Variants in COL21A1 observed in about 807,000 individuals in gnomAD.
COL21A1 encodes the protein collagen alpha-1(XXI) chain.
A neutral mutation model predicts 137.9 loss-of-function variants in COL21A1; 149 were observed. The ratio of observed to expected loss-of-function variants is 1.08; its 90% confidence interval spans 0.95 to 1.24. The LOEUF (loss-of-function observed/expected upper bound fraction) is 1.24. COL21A1 is among the 50% of genes most tolerant of loss of function. COL21A1 has a pLI of 0.00. For synonymous variants in COL21A1, 456 were observed against 391.5 expected (o/e 1.16, Z -1.95); for missense variants, 1,167 against 1,158.4 (o/e 1.01, Z -0.11).
At chr6:56,328,220 G>T (rs1279848101) in intron 1 of COL21A1, among the ~76,000 whole-genome samples, 1 of 151,930 alleles carries the variant, frequency 6.6e-6, no homozygotes, top group African/African-American at 2.4e-5. Flanking sequence ...TACTTTTAAG[G>T]TCAACTATTT....
intron 2 of COL21A1, among the ~76,000 whole-genome samples, chr6:56,180,673 A>T (rs967535708): frequency 1.3e-5 from 2 of 152,220 alleles, no homozygotes; most frequent in African/African-American, 4.8e-5. Flanking sequence ...ACAAGTTATA[A>T]GCAGTTGTGG....
chr6:56,300,015 G>A (rs1458495628), intron 1 of COL21A1, among the ~76,000 whole-genome samples: 1 of 151,952 alleles, frequency 6.6e-6, no homozygotes, highest in East Asian at 1.9e-4. Flanking sequence ...AATTAAACAA[G>A]GCTAGCCAGC....
intron 1 of COL21A1, among the ~76,000 whole-genome samples, chr6:56,307,110 G>A (rs566564091): frequency 1.2e-4 from 18 of 152,308 alleles, no homozygotes; most frequent in East Asian, 9.7e-4. Flanking sequence ...GTACCCGGCC[G>A]TGTGAGGTGT....
At chr6:56,203,564 A>G (rs1779546262) in intron 1 of COL21A1, among the ~76,000 whole-genome samples, 1 of 152,230 alleles carries the variant, frequency 6.6e-6, no homozygotes, top group Non-Finnish European at 1.5e-5. Flanking sequence ...GTCATTCTGA[A>G]AACAAGAAAA....
chr6:56,074,639 T>A (rs1293803114), intron 19 of COL21A1, among the ~76,000 whole-genome samples: 2 of 151,400 alleles, frequency 1.3e-5, no homozygotes, highest in Admixed American at 6.6e-5. Flanking sequence ...TCTTCATAGA[T>A]GTTATCCTGA....
intron 5 of COL21A1, among the ~76,000 whole-genome samples, chr6:56,170,445 T>C (rs59186267): frequency 0.067 from 10,133 of 151,938 alleles, 394 homozygotes; most frequent in Admixed American, 0.11. Context: ...ATATGTCAGT[T>C]CCCCCTCAGC....
chr6:56,106,489 C>T (rs1384634323), intron 16 of COL21A1, among the ~76,000 whole-genome samples: 9 of 152,124 alleles, frequency 5.9e-5, no homozygotes, highest in Non-Finnish European at 1.3e-4. Flanking sequence ...CAGCAGAAAA[C>T]ACACCAAGTC....
chr6:56,167,989 C>T (rs1325304728), intron 6 of COL21A1, 135 bp downstream of exon 6: 1 of 538,038 alleles, frequency 1.9e-6, no homozygotes, highest in Non-Finnish European at 3.1e-6. Context: ...CACTAATGAA[C>T]TGACCACATT....
At chr6:56,167,013 T>G in intron 6 of COL21A1, 30 bp from the exon 7 acceptor site, 1 of 1,534,062 alleles carries the variant, frequency 6.5e-7, no homozygotes, top group Non-Finnish European at 9.0e-7. Context: ...AGAATTAAAG[T>G]TGAGGCACAA....
intron 1 of COL21A1, among the ~76,000 whole-genome samples, chr6:56,255,059 T>C (rs948953477): frequency 1.3e-5 from 2 of 152,174 alleles, no homozygotes; most frequent in Non-Finnish European, 2.9e-5. Context: ...ACAGGTCACT[T>C]CAATTAAATT....
rs75760629 is a variant in COL21A1, at chr6:56,160,528, C to T, written c.1372-3579G>A. Among the ~76,000 whole-genome samples, 1,313 of 152,188 alleles carry T rather than the reference C, an allele frequency of 8.6e-3. 24 individuals are homozygous for T. Among genetic ancestry groups the T allele is most frequent in the African/African-American group, 0.03 (1,266 of 41,526 alleles). ...AATTTAATATGGAAAAAAAAATTCC[C>T]CAATACATTAAATTAGACACATGAC... On this transcript the variant is annotated intron_variant, in intron 9 of 29. Transcript: ENST00000244728.
intron 20 of COL21A1, among the ~76,000 whole-genome samples, chr6:56,071,492 A>G (rs1766752336): frequency 6.6e-6 from 1 of 151,614 alleles, no homozygotes; most frequent in African/African-American, 2.4e-5. Flanking sequence ...GCAAAAGCCC[A>G]TAATTAAGCA....
chr6:56,106,584 G>A lies in COL21A1; in HGVS notation c.1759-5059C>T, dbSNP rs561349835. ...AATCTACAACTAAGAAGACCAGCAA[G>A]CTATCCAAACATGTACAACCCTGTT... is the stretch of plus-strand genomic sequence containing the variant. On this transcript the variant is annotated intron_variant, in intron 16 of 29. Transcript: ENST00000244728. Among the ~76,000 whole-genome samples the A allele has an allele frequency of 2.3e-4, 35 of 152,202 alleles. 1 individual carries two copies. In the South Asian group the frequency reaches 7.2e-3, roughly 31 times the overall value.
intron 1 of COL21A1, among the ~76,000 whole-genome samples, chr6:56,246,286 T>C (rs1782639593): frequency 6.6e-6 from 1 of 152,124 alleles, no homozygotes; most frequent in African/African-American, 2.4e-5. Context: ...TCATCAGGGG[T>C]CAAAGATTCC....
chr6:56,061,187 C>A (rs1171178988), intron 25 of COL21A1, 150 bp from the exon 26 acceptor site: 1 of 679,864 alleles, frequency 1.5e-6, no homozygotes. Flanking sequence ...TGTCATTGAC[C>A]AGAAGGGAAA....
intron 3 of COL21A1, among the ~76,000 whole-genome samples, chr6:56,173,121 A>G (rs1482071250): frequency 2.0e-5 from 3 of 152,162 alleles, no homozygotes; most frequent in South Asian, 2.1e-4. Context: ...GTTTAGAGCT[A>G]CAGATCCAGC....
rs145684289 is a variant in COL21A1 at position 56,197,676 on chromosome 6, G to A, written c.-38-15020C>T. The stretch of plus-strand genomic sequence containing the variant: ...AGCACCACTTCACACCTGTTAGCAC[G>A]GCTATTATCAAAAAGTCAAAAGATA... On this transcript the variant is annotated intron_variant, in intron 1 of 29. Transcript: ENST00000244728. Among the ~76,000 whole-genome samples, 12 of 152,084 alleles carry A rather than the reference G, an allele frequency of 7.9e-5. No individual in the cohort carries two copies. In the East Asian group the frequency reaches 1.7e-3, roughly 22 times the overall value.
chr6:56,209,443 A>C (rs2152304610), intron 1 of COL21A1, among the ~76,000 whole-genome samples: 1 of 152,336 alleles, frequency 6.6e-6, no homozygotes, highest in Non-Finnish European at 1.5e-5. Flanking sequence ...GAAAAAAATA[A>C]GCAACCCCAT....
intron 6 of COL21A1, among the ~76,000 whole-genome samples, chr6:56,167,369 C>A (rs1776669708): frequency 6.6e-6 from 1 of 152,198 alleles, no homozygotes; most frequent in Admixed American, 6.5e-5. Context: ...AAGAAGCCAT[C>A]TTTGGTCTTC....
Sources: allele counts gnomAD v4.1 joint callset (sites outside exome capture counted in the v4.1 genomes callset), GRCh38; gene constraint gnomAD v4.1.1; transcripts MANE v1.5; gene names NCBI Gene and HGNC (gene_info 2026-07-23, HGNC 2026-07-21).